The following DOCK11 variants were observed in gnomAD, a reference collection of about 807,000 sequenced individuals.
DOCK11 encodes dedicator of cytokinesis 11.
A neutral mutation model predicts 169.1 loss-of-function variants in DOCK11; 70 were observed. The ratio of observed to expected loss-of-function variants is 0.41; its 90% CI spans 0.34 to 0.51. DOCK11 has a LOEUF of 0.51. DOCK11 is among the 20% of genes least tolerant of loss of function. The pLI is 0.10. For synonymous variants in DOCK11, 529 were observed against 541.3 expected, an observed-to-expected ratio of 0.98 and a Z score of 0.32; for missense variants, 1,166 against 1,538.8, an observed-to-expected ratio of 0.76 and a Z score of 4.05.
At chrX:118,647,742 A>T (rs186545514) in intron 40 of DOCK11, among the ~76,000 whole-genome samples, 1 of 51,669 alleles carries the variant, frequency 1.9e-5, no homozygotes, top group African/African-American at 8.9e-5. Context: ...AATATAATAT[A>T]ATATATAATA....
chrX:118,581,919 C>T (rs936071700), intron 14 of DOCK11, among the ~76,000 whole-genome samples: 5 of 104,641 alleles, frequency 4.8e-5, no homozygotes, highest in African/African-American at 1.1e-4. Context: ...ATCACAAGAT[C>T]AGGAGTTCAA....
At chrX:118,543,648 C>T in intron 4 of DOCK11, 55 bp downstream of exon 4, 1 of 1,070,642 alleles carries the variant, frequency 9.3e-7, no homozygotes, top group Non-Finnish European at 1.3e-6. Context: ...AGCTTTTTTA[C>T]CTTGTTAAAA....
Position 118,593,345 on chromosome X carries a change from T to G in DOCK11, c.2263+8T>G. On this transcript the variant is annotated splice_region_variant and intron_variant, in intron 20 of 52. Transcript: ENST00000276202. The stretch of plus-strand genomic sequence containing the variant: ...ACACAGTTGAAACTCCAGGTACGTG[T>G]TCTCTTTAAATGTCTCTCTCTACAG... 8.4e-7 allele frequency: 1 copy of G among 1,196,020 alleles called. No homozygotes were observed. The highest frequency in any genetic ancestry group is 1.1e-6 in the Non-Finnish European group (1 of 889,274).
chrX:118,516,690 C>T (rs1397710736), intron 1 of DOCK11, among the ~76,000 whole-genome samples: 1 of 111,579 alleles, frequency 9.0e-6, no homozygotes, highest in African/African-American at 3.3e-5. Flanking sequence ...GCACCTCAGC[C>T]TCCCAAAGTG....
intron 1 of DOCK11, among the ~76,000 whole-genome samples, chrX:118,506,418 C>T (rs113240045): frequency 0.062 from 6,946 of 111,700 alleles, 551 homozygotes; most frequent in African/African-American, 0.21. Flanking sequence ...ATATTCCCAG[C>T]ACTTTGAGAG....
Position 118,676,066 on chromosome X carries a change from C to T in DOCK11, c.5313+17C>T, listed in dbSNP as rs765031768. The T allele has an allele frequency of 6.6e-6, 7 of 1,062,467 alleles. No homozygotes were observed. The African/African-American group carries it at 1.1e-4, about 17-fold the overall frequency. 87.6% of individuals were successfully genotyped at this position (1,062,467 alleles called of 1,213,427 possible). A position where few individuals can be genotyped will look rare whatever the true frequency, so the allele number is the denominator to read the frequency against. ...TATGGCCAAGTAAGTGTACTTGAAT[C>T]CATAAAGTTTTCCTTTTTAAACATT... On this transcript the variant is annotated intron_variant, in intron 47 of 52. Coordinates refer to ENST00000276202, the MANE Select transcript of DOCK11 (RefSeq NM_144658.4).
At position 118,568,174 on chromosome X, in the gene DOCK11, ACATT is replaced by A; in HGVS notation, c.1035+13_1035+16del. ...ATTCAGAAGTTCAGGTATTAATGAT[ACATT>A]TCTTTAATAGTCCTAGAATTATTGC... On this transcript the variant is annotated intron_variant, in intron 10 of 52. Coordinates refer to ENST00000276202, the MANE Select transcript of DOCK11 (RefSeq NM_144658.4). The A allele has an allele frequency of 9.8e-7, 1 of 1,025,410 alleles. No homozygotes were observed. Among genetic ancestry groups the A allele is most frequent in the Non-Finnish European group, 1.3e-6 (1 of 755,278 alleles). 84.5% of individuals were successfully genotyped at this position (1,025,410 alleles called of 1,213,427 possible).
chrX:118,671,395 A>T (rs1013045061), intron 46 of DOCK11, among the ~76,000 whole-genome samples: 2 of 111,404 alleles, frequency 1.8e-5, no homozygotes, highest in Non-Finnish European at 3.8e-5. Flanking sequence ...ACCACAAAGG[A>T]ATGATAAATG....
chrX:118,610,005 T>G (rs991853932), intron 27 of DOCK11, among the ~76,000 whole-genome samples: 1 of 111,978 alleles, frequency 8.9e-6, no homozygotes, highest in Non-Finnish European at 1.9e-5. Flanking sequence ...TGTCTGTAAC[T>G]CAGAAGCATG....
chrX:118,627,729 C>T, intron 33 of DOCK11, 150 bp downstream of exon 33: 1 of 445,541 alleles, frequency 2.2e-6, no homozygotes, highest in Non-Finnish European at 3.8e-6. Context: ...TACTTGCAGT[C>T]AAATTTATTT....
intron 23 of DOCK11, among the ~76,000 whole-genome samples, chrX:118,603,680 C>T (rs927105253): frequency 3.6e-5 from 4 of 111,927 alleles, no homozygotes; most frequent in Admixed American, 9.5e-5. Context: ...AAACCATGGC[C>T]TTTATTTGTT....
At chrX:118,532,551 C>T (rs1479310948) in intron 1 of DOCK11, among the ~76,000 whole-genome samples, 6 of 109,006 alleles carry the variant, frequency 5.5e-5, no homozygotes, top group African/African-American at 1.3e-4. Flanking sequence ...GAGGCCGAGG[C>T]GGGTGGATCA....
intron 52 of DOCK11, among the ~76,000 whole-genome samples, chrX:118,684,271 CTTTTTTTT>C (rs1197326228): frequency 1.3e-5 from 1 of 78,631 alleles, no homozygotes; most frequent in African/African-American, 4.8e-5. Flanking sequence ...TTTTTTTTTT[CTTTTTTTT>C]TTTTTTTTTT....
chrX:118,638,155 C>T, intron 37 of DOCK11, 28 bp downstream of exon 37: 1 of 1,179,865 alleles, frequency 8.5e-7, no homozygotes, highest in African/African-American at 1.7e-5. Flanking sequence ...GCAATTTCTA[C>T]TTTTTCCTTC....
At chrX:118,681,273 T>A in intron 50 of DOCK11, 25 bp downstream of exon 50, 1 of 1,121,924 alleles carries the variant, frequency 8.9e-7, no homozygotes, top group Non-Finnish European at 1.2e-6. Context: ...CAACATGTAT[T>A]GAATGTTTCT....
chrX:118,668,193 A>G (rs1255106866), intron 45 of DOCK11, among the ~76,000 whole-genome samples: 1 of 111,803 alleles, frequency 8.9e-6, no homozygotes, highest in Non-Finnish European at 1.9e-5. Flanking sequence ...ACTTGTTCTC[A>G]ATCTTAGGAG....
At position 118,643,306 on chromosome X, in the gene DOCK11, A is replaced by G. The variant is rs1253762708; in HGVS notation, c.4261-151A>G. On this transcript the variant is annotated intron_variant, in intron 39 of 52. Transcript: ENST00000276202. The stretch of plus-strand genomic sequence containing the variant: ...ATGTAGTAGTTGTTTGAGATTTCCA[A>G]GTTGAAAGATGGCACAAATATTTTG... 9.0e-6 allele frequency: 5 copies of G among 556,233 alleles called. No homozygotes were observed. The Admixed American group carries it at 1.3e-4, about 15-fold the overall frequency. The allele number at this position is 556,233 out of a possible 1,213,427, so 45.8% of individuals were successfully genotyped here.
chrX:118,639,290 C>A, intron 37 of DOCK11, 145 bp from the exon 38 acceptor site: 1 of 530,192 alleles, frequency 1.9e-6, no homozygotes, highest in Non-Finnish European at 2.9e-6. Flanking sequence ...ATTAAAACTT[C>A]ATCCAGTTTC....
Position 118,624,725 on chromosome X carries a change from T to A in DOCK11, c.3588+70T>A, listed in dbSNP as rs765257742. 4.5e-6 allele frequency: 3 copies of A among 667,348 alleles called. No homozygotes were observed. The South Asian group carries it at 8.6e-5, about 19-fold the overall frequency. The allele number at this position is 667,348 out of a possible 1,213,427, so 55.0% of individuals were successfully genotyped here. On this transcript the variant is annotated intron_variant, in intron 32 of 52. Coordinates refer to ENST00000276202, the MANE Select transcript of DOCK11 (RefSeq NM_144658.4). ...GAATGCATTTGGAATTGGGGTCATA[T>A]GCTATATGATCTCAACCTTAAGAGT...
Sources: allele counts gnomAD v4.1 joint callset (sites outside exome capture counted in the v4.1 genomes callset), GRCh38; gene constraint gnomAD v4.1.1; transcripts MANE v1.5; gene names NCBI Gene and HGNC (gene_info 2026-07-23, HGNC 2026-07-21).